ABI1: variants seen among roughly 807,000 people sequenced by gnomAD.
ABI1 encodes the protein abl interactor 1, also known as Abelson interactor 1.
ABI1 carries 14 observed loss-of-function variants against 54.6 expected under a neutral mutation model. The ratio of observed to expected loss-of-function variants is 0.26; its 90% CI spans 0.17 to 0.40. ABI1 has a LOEUF of 0.40. ABI1 is among the 10% of genes least tolerant of loss of function. The pLI is 1.00. For missense variants in ABI1, 443 were observed against 598.3 expected (o/e 0.74, Z 2.71); for synonymous variants, 194 against 209.3 (o/e 0.93, Z 0.63).
rs2051256430 is a variant in ABI1, at chr10:26,860,866, T to C, written c.-3A>G. The stretch of plus-strand genomic sequence containing the variant: ...AGTAACATCTGCAGCTCTGCCATTT[T>C]CCACCCCTCTGCATCGCTTCCTCTC... On this transcript the variant is annotated 5_prime_UTR_variant, in exon 1 of 11. Transcript: ENST00000376140. This position sits in a 1 kb window ranked among gnomAD's most constrained non-coding sequence, Gnocchi z 4.1. The C allele has an allele frequency of 5.0e-6, 8 of 1,612,936 alleles. No homozygotes were observed. The highest frequency in any genetic ancestry group is 6.8e-6 in the Non-Finnish European group (8 of 1,179,094).
chr10:26,834,358 C>T (rs1411625126), intron 1 of ABI1, among the ~76,000 whole-genome samples: 1 of 151,944 alleles, frequency 6.6e-6, no homozygotes, highest in Non-Finnish European at 1.5e-5. Flanking sequence ...AGCTCCTGCA[C>T]AAGAAAGGAA....
chr10:26,808,675 A>C (rs1441340600), intron 2 of ABI1, among the ~76,000 whole-genome samples: 2 of 152,098 alleles, frequency 1.3e-5, no homozygotes. Context: ...GTGAGCCGAG[A>C]TCATGCCACT....
intron 2 of ABI1, among the ~76,000 whole-genome samples, chr10:26,785,762 G>T (rs1842666715): frequency 6.6e-6 from 1 of 151,788 alleles, no homozygotes; most frequent in South Asian, 2.1e-4. Context: ...CCAGGGTGAA[G>T]TTCAGGTAGG....
chr10:26,820,244 AGTGG>A (rs2047882416), intron 2 of ABI1, among the ~76,000 whole-genome samples: 1 of 152,224 alleles, frequency 6.6e-6, no homozygotes, highest in Non-Finnish European at 1.5e-5. Flanking sequence ...TCAGCTTGAT[AGTGG>A]TAATCATTTC....
intron 7 of ABI1, 33 bp from the exon 8 acceptor site, chr10:26,759,271 G>A: frequency 6.2e-7 from 1 of 1,605,316 alleles, no homozygotes; most frequent in East Asian, 2.2e-5. Flanking sequence ...AACCAACAAA[G>A]AGACTTGAGC....
intron 9 of ABI1, among the ~76,000 whole-genome samples, chr10:26,753,647 C>T (rs2132446261): frequency 6.6e-6 from 1 of 152,262 alleles, no homozygotes; most frequent in South Asian, 2.1e-4. Context: ...TTCATTATCA[C>T]CCACTTTGAG....
chr10:26,842,789 G>A (rs1345691720), intron 1 of ABI1, among the ~76,000 whole-genome samples: 1 of 152,214 alleles, frequency 6.6e-6, no homozygotes, highest in Non-Finnish European at 1.5e-5. Context: ...GCTCACGCCT[G>A]TAATCCCAGC....
chr10:26,825,836 T>C lies in ABI1; in HGVS notation c.118-2531A>G, dbSNP rs1274458738. Among the ~76,000 whole-genome samples, 6 of 152,252 alleles carry C rather than the reference T, an allele frequency of 3.9e-5. 1 individual carries two copies. The highest frequency in any genetic ancestry group is 9.6e-5 in the African/African-American group (4 of 41,470). ...AGAAACTATTTCCTTTGTTCACCTATAAGGAACAACTCATCCATTCAAGTT... is the reference window on the plus strand; with the variant it reads ...AGAAACTATTTCCTTTGTTCACCTACAAGGAACAACTCATCCATTCAAGTT... On this transcript the variant is annotated intron_variant, in intron 1 of 10. Coordinates refer to ENST00000376140, the MANE Select transcript of ABI1 (RefSeq NM_001012750.3).
intron 1 of ABI1, among the ~76,000 whole-genome samples, chr10:26,834,419 A>C (rs1490553448): frequency 6.6e-6 from 1 of 152,120 alleles, no homozygotes; most frequent in African/African-American, 2.4e-5. Flanking sequence ...AATATTTGCA[A>C]ACTATCCATC....
chr10:26,781,497 A>G (rs1842098641), intron 2 of ABI1, among the ~76,000 whole-genome samples: 1 of 152,220 alleles, frequency 6.6e-6, no homozygotes, highest in Non-Finnish European at 1.5e-5. Context: ...AACTAAGCTG[A>G]GACGCTGTGG....
chr10:26,825,976 C>CT (rs2048283263), intron 1 of ABI1, among the ~76,000 whole-genome samples: 1 of 152,192 alleles, frequency 6.6e-6, no homozygotes, highest in Non-Finnish European at 1.5e-5. Context: ...AACCCCTCAG[C>CT]ATCATCCATG....
intron 1 of ABI1, among the ~76,000 whole-genome samples, chr10:26,840,171 G>T (rs904818137): frequency 1.3e-5 from 2 of 152,070 alleles, no homozygotes; most frequent in African/African-American, 4.8e-5. Context: ...GAGGTGTCTG[G>T]GTTATGGGGG....
At chr10:26,840,907 G>T (rs921080983) in intron 1 of ABI1, among the ~76,000 whole-genome samples, 18 of 152,088 alleles carry the variant, frequency 1.2e-4, no homozygotes, top group African/African-American at 4.1e-4. Context: ...ATACAGTTTT[G>T]GTCCATCATC....
intron 1 of ABI1, among the ~76,000 whole-genome samples, chr10:26,833,119 A>C (rs2048794592): frequency 6.6e-6 from 1 of 152,174 alleles, no homozygotes; most frequent in Non-Finnish European, 1.5e-5. Context: ...AACTACTAAG[A>C]GGTCTGGAAG....
intron 1 of ABI1, among the ~76,000 whole-genome samples, chr10:26,852,340 G>A (rs1043895531): frequency 6.6e-6 from 1 of 152,048 alleles, no homozygotes; most frequent in Non-Finnish European, 1.5e-5. Flanking sequence ...TTAGCCAGGC[G>A]TGGTGGCGCA....
intron 6 of ABI1, among the ~76,000 whole-genome samples, chr10:26,768,465 G>A (rs1840244250): frequency 1.3e-5 from 2 of 151,522 alleles, no homozygotes; most frequent in African/African-American, 4.9e-5. Flanking sequence ...TTGAACCTGG[G>A]AGGCAGAGGT....
At chr10:26,840,205 G>T (rs747589656) in intron 1 of ABI1, among the ~76,000 whole-genome samples, 1 of 152,024 alleles carries the variant, frequency 6.6e-6, no homozygotes, top group African/African-American at 2.4e-5. Context: ...AATGGCTTGG[G>T]GTCCTCAGGT....
intron 3 of ABI1, among the ~76,000 whole-genome samples, chr10:26,774,536 C>T (rs973861526): frequency 2.6e-5 from 4 of 152,120 alleles, no homozygotes; most frequent in Non-Finnish European, 5.9e-5. Flanking sequence ...CTGGGATTCT[C>T]TTATACATAT....
chr10:26,778,498 G>GAAAAAAA (rs79625616), intron 2 of ABI1, among the ~76,000 whole-genome samples: 2 of 76,138 alleles, frequency 2.6e-5, no homozygotes, highest in African/African-American at 9.1e-5. Flanking sequence ...GTAGGAAAAA[G>GAAAAAAA]AAAAAAAAAA....
Sources: gnomAD v4.1 joint callset for allele counts (sites outside exome capture counted in the v4.1 genomes callset) on GRCh38, gnomAD v4.1.1 for gene constraint, Gnocchi (gnomAD v3.1) non-coding constraint, MANE v1.5 for transcripts, NCBI Gene and HGNC (gene_info 2026-07-23, HGNC 2026-07-21) for gene names.